Variants in SLC35F1 observed in about 807,000 individuals in gnomAD.
The protein encoded by SLC35F1 is solute carrier family 35 member F1.
SLC35F1 carries 14 observed loss-of-function variants against 48.7 expected under a neutral mutation model. The ratio of observed to expected loss-of-function variants is 0.29; its 90% CI spans 0.19 to 0.45. SLC35F1 has a LOEUF of 0.45. Among genes scored for constraint, SLC35F1 ranks in the 20% least tolerant of loss-of-function variants. The probability of loss-of-function intolerance (pLI) is 1.00; values close to 1 mark genes in which losing one functional copy is unlikely to be tolerated. For synonymous variants in SLC35F1, 190 were observed against 202.2 expected, an observed-to-expected ratio of 0.94 and a Z score of 0.51; for missense variants, 404 against 500.0, an observed-to-expected ratio of 0.81 and a Z score of 1.83.
At chr6:118,142,232 C>T (rs368138890) in intron 1 of SLC35F1, among the ~76,000 whole-genome samples, 2 of 152,124 alleles carry the variant, frequency 1.3e-5, no homozygotes. Flanking sequence ...TTTTCACTCC[C>T]AGCCCCCTCA....
intron 1 of SLC35F1, among the ~76,000 whole-genome samples, chr6:117,953,146 CTG>C (rs1776384973): frequency 6.6e-6 from 1 of 152,142 alleles, no homozygotes; most frequent in Non-Finnish European, 1.5e-5. Context: ...TGCCTTTTAA[CTG>C]TTTGCATAAA....
chr6:118,014,562 A>G (rs1291752463), intron 1 of SLC35F1, among the ~76,000 whole-genome samples: 1 of 152,176 alleles, frequency 6.6e-6, no homozygotes, highest in Non-Finnish European at 1.5e-5. Flanking sequence ...TTAAAACCCA[A>G]TTGTAATCAG....
At chr6:118,132,569 G>C (rs1773730600) in intron 1 of SLC35F1, among the ~76,000 whole-genome samples, 1 of 152,144 alleles carries the variant, frequency 6.6e-6, no homozygotes, top group Admixed American at 6.5e-5. Context: ...CCTTTAGAGT[G>C]CATGGCACAT....
In SLC35F1 at chr6:118,181,066, CT is replaced by C. The variant is rs541170658; in HGVS notation, c.349+26449del. Among the ~76,000 whole-genome samples, 6 of 151,950 alleles carry C rather than the reference CT, an allele frequency of 3.9e-5. No individual in the cohort carries two copies. In the South Asian group the frequency reaches 1.2e-3, roughly 32 times the overall value. On this transcript the variant is annotated intron_variant, in intron 2 of 7. Transcript: ENST00000360388. ...CAATTACATATGTAATAAAATTATC[CT>C]TTAAAAAAGAGGGTATATTGAAGAT...
At position 118,063,364 on chromosome 6, in the gene SLC35F1, C is replaced by G. The variant is rs74619159; in HGVS notation, c.174-91081C>G. On this transcript the variant is annotated intron_variant, in intron 1 of 7. Transcript: ENST00000360388. ...TCACCTAGTCTGATGCCTCTCAAGACTCATCTCTGTGAATTTCCTATGGTT... is the reference window on the plus strand; with the variant it reads ...TCACCTAGTCTGATGCCTCTCAAGAGTCATCTCTGTGAATTTCCTATGGTT... 7.1e-3 allele frequency among the ~76,000 whole-genome samples: 1,074 copies of G among 152,154 alleles called. 15 individuals are homozygous for G. Among genetic ancestry groups the G allele is most frequent in the African/African-American group, 0.025 (1,024 of 41,524 alleles).
At chr6:118,156,279 T>A (rs1774139569) in intron 2 of SLC35F1, among the ~76,000 whole-genome samples, 1 of 152,102 alleles carries the variant, frequency 6.6e-6, no homozygotes, top group Non-Finnish European at 1.5e-5. Context: ...AGAAATTTAT[T>A]CTGAGCCAAA....
chr6:117,943,173 C>A (rs112798601), intron 1 of SLC35F1, among the ~76,000 whole-genome samples: 3,546 of 152,232 alleles, frequency 0.023, 139 homozygotes, highest in African/African-American at 0.081. Context: ...TCCATTTGAA[C>A]GTGACATGTG....
At chr6:118,000,399 C>T (rs1309555425) in intron 1 of SLC35F1, among the ~76,000 whole-genome samples, 2 of 152,054 alleles carry the variant, frequency 1.3e-5, no homozygotes, top group African/African-American at 2.4e-5. Context: ...AATTCAACAA[C>T]GCTTCATGCT....
intron 1 of SLC35F1, among the ~76,000 whole-genome samples, chr6:118,149,458 G>A (rs1391959046): frequency 6.6e-6 from 1 of 152,128 alleles, no homozygotes; most frequent in Non-Finnish European, 1.5e-5. Context: ...GCAGGGCAGG[G>A]GGTATAGTTA....
chr6:117,946,351 A>G (rs1308888716), intron 1 of SLC35F1, among the ~76,000 whole-genome samples: 1 of 152,220 alleles, frequency 6.6e-6, no homozygotes, highest in African/African-American at 2.4e-5. Flanking sequence ...TAATTCTCAC[A>G]ACAATTCTAA....
intron 1 of SLC35F1, among the ~76,000 whole-genome samples, chr6:118,100,379 C>T (rs1773239524): frequency 6.6e-6 from 1 of 152,072 alleles, no homozygotes; most frequent in South Asian, 2.1e-4. Context: ...AGACACCAGC[C>T]TCAAGTTGAG....
intron 1 of SLC35F1, among the ~76,000 whole-genome samples, chr6:118,094,445 A>G (rs1706326783): frequency 6.6e-6 from 1 of 152,150 alleles, no homozygotes; most frequent in South Asian, 2.1e-4. Context: ...GTTTAAGGAG[A>G]GAAAGAGATG....
intron 1 of SLC35F1, among the ~76,000 whole-genome samples, chr6:118,008,632 G>C (rs1777205859): frequency 1.3e-5 from 2 of 152,094 alleles, no homozygotes; most frequent in South Asian, 2.1e-4. Context: ...TGAAAATTTA[G>C]CTCACAATTC....
intron 2 of SLC35F1, among the ~76,000 whole-genome samples, chr6:118,227,123 C>T (rs1228075924): frequency 6.6e-6 from 1 of 152,204 alleles, no homozygotes; most frequent in African/African-American, 2.4e-5. Context: ...TGGCTGCCAT[C>T]ATGCTCAACT....
intron 1 of SLC35F1, among the ~76,000 whole-genome samples, chr6:118,136,913 A>C (rs2114433768): frequency 6.6e-6 from 1 of 152,304 alleles, no homozygotes; most frequent in South Asian, 2.1e-4. Flanking sequence ...CTCATTTCTC[A>C]CCTTCCTGGG....
chr6:118,170,537 T>A (rs1350372596), intron 2 of SLC35F1, among the ~76,000 whole-genome samples: 1 of 152,196 alleles, frequency 6.6e-6, no homozygotes, highest in South Asian at 2.1e-4. Flanking sequence ...CCTCCTGGGC[T>A]CAAGCCTTTC....
At chr6:118,275,732 CA>C in intron 5 of SLC35F1, 117 bp downstream of exon 5, 1 of 873,116 alleles carries the variant, frequency 1.1e-6, no homozygotes, top group Non-Finnish European at 1.7e-6. Context: ...GCTTCCTGTA[CA>C]AAGGACTTAT....
chr6:118,050,471 A>C (rs1772372730), intron 1 of SLC35F1, among the ~76,000 whole-genome samples: 2 of 152,120 alleles, frequency 1.3e-5, no homozygotes, highest in Non-Finnish European at 2.9e-5. Context: ...TGAAAGCCTA[A>C]AAGAGGAGTG....
chr6:118,161,936 A>C (rs1389679257), intron 2 of SLC35F1, among the ~76,000 whole-genome samples: 15 of 152,222 alleles, frequency 9.9e-5, no homozygotes, highest in Admixed American at 9.8e-4. Context: ...GGGAATACAC[A>C]TGGTAATGCT....
Sources: allele counts gnomAD v4.1 joint callset (sites outside exome capture counted in the v4.1 genomes callset), GRCh38; gene constraint gnomAD v4.1.1; transcripts MANE v1.5; gene names NCBI Gene and HGNC (gene_info 2026-07-23, HGNC 2026-07-21).